Variants in DNAJC5B observed in about 807,000 individuals in gnomAD.
DNAJC5B encodes dnaJ homolog subfamily C member 5B.
In DNAJC5B, 23 loss-of-function variants were observed where a neutral mutation model predicts 24.7. The ratio of observed to expected loss-of-function variants is 0.93; its 90% CI spans 0.67 to 1.32. The LOEUF is 1.32. Ranked by LOEUF, DNAJC5B falls within the 40% of genes most tolerant of loss-of-function variation. The pLI is 0.00. For synonymous variants in DNAJC5B, 101 were observed against 90.1 expected, an observed-to-expected ratio of 1.12 and a Z score of -0.68; for missense variants, 238 against 240.8, an observed-to-expected ratio of 0.99 and a Z score of 0.08.
Position 66,076,717 on chromosome 8 carries a change from GAAGTTTA to G in DNAJC5B, c.181_187del (p.Phe61LysfsTer58), listed in dbSNP as rs780938862. 6.2e-7 allele frequency: 1 copy of G among 1,614,110 alleles called. No individual in the cohort carries two copies. Among genetic ancestry groups the G allele is most frequent in the Non-Finnish European group, 8.5e-7 (1 of 1,180,012 alleles). ...ATCCAGATGATCCAGCTGCTACTGA[GAAGTTTA>G]AAGAAATCAACAACGCCCACGCAAT... On this transcript the variant is annotated frameshift_variant, in exon 4 of 6. Transcript: ENST00000276570. LOFTEE classifies it high-confidence loss of function.
At chr8:66,086,154 C>T (rs1409599920) in intron 5 of DNAJC5B, among the ~76,000 whole-genome samples, 1 of 152,130 alleles carries the variant, frequency 6.6e-6, no homozygotes, top group African/African-American at 2.4e-5. Flanking sequence ...CTTTGCTAAA[C>T]TCATTTAACA....
chr8:66,021,339 A>G (rs1253258344), upstream of DNAJC5B, among the ~76,000 whole-genome samples: 1 of 152,196 alleles, frequency 6.6e-6, no homozygotes, highest in African/African-American at 2.4e-5. Flanking sequence ...TATGACCTGC[A>G]AAGGGATTCT....
intron 2 of DNAJC5B, among the ~76,000 whole-genome samples, chr8:66,046,321 T>C (rs1236592470): frequency 5.9e-5 from 9 of 152,160 alleles, no homozygotes; most frequent in Non-Finnish European, 5.9e-5. Flanking sequence ...CTTGCCACCA[T>C]AGCCCTTAGA....
At chr8:66,042,071 A>C (rs1388639317) in intron 1 of DNAJC5B, among the ~76,000 whole-genome samples, 1 of 152,168 alleles carries the variant, frequency 6.6e-6, no homozygotes, top group East Asian at 1.9e-4. Context: ...ACGTTCTTGC[A>C]GCATCTCTCC....
chr8:66,061,282 A>C (rs906792754), intron 3 of DNAJC5B, among the ~76,000 whole-genome samples: 50 of 152,178 alleles, frequency 3.3e-4, no homozygotes, highest in Non-Finnish European at 6.2e-4. Context: ...ACACAGAAAG[A>C]TCCCATATCT....
chr8:66,078,358 T>C (rs1807517621), intron 4 of DNAJC5B, among the ~76,000 whole-genome samples: 2 of 152,094 alleles, frequency 1.3e-5, no homozygotes, highest in African/African-American at 4.8e-5. Context: ...CACGTAGCAA[T>C]CATGTGATAA....
At chr8:66,065,648 T>C (rs770484109) in intron 3 of DNAJC5B, among the ~76,000 whole-genome samples, 9 of 151,960 alleles carry the variant, frequency 5.9e-5, no homozygotes, top group Admixed American at 3.9e-4. Flanking sequence ...GGCTGTAGGG[T>C]TGAAGGATTT....
chr8:66,066,318 T>C (rs935635086), intron 3 of DNAJC5B, among the ~76,000 whole-genome samples: 2 of 152,174 alleles, frequency 1.3e-5, no homozygotes, highest in African/African-American at 2.4e-5. Flanking sequence ...GAAGACAGCA[T>C]TGAGATTCCT....
intron 3 of DNAJC5B, among the ~76,000 whole-genome samples, chr8:66,069,641 C>T (rs1230942222): frequency 2.0e-5 from 3 of 152,214 alleles, no homozygotes; most frequent in African/African-American, 7.2e-5. Flanking sequence ...CAAAGAGGAG[C>T]TGGTACCATT....
chr8:66,067,581 A>C (rs567555653), intron 3 of DNAJC5B, among the ~76,000 whole-genome samples: 3 of 152,306 alleles, frequency 2.0e-5, no homozygotes, highest in Non-Finnish European at 4.4e-5. Flanking sequence ...CCTAAATATT[A>C]AAAAGGTCTA....
chr8:66,016,544 T>C, the DNAJC5B span, among the ~76,000 whole-genome samples: 1 of 152,348 alleles, frequency 6.6e-6, no homozygotes, highest in Admixed American at 6.5e-5. Context: ...CCTCTTTCTT[T>C]ATAAATTACC....
At chr8:66,080,287 G>T (rs1478558856) in intron 4 of DNAJC5B, 90 bp from the exon 5 acceptor site, 7 of 1,533,306 alleles carry the variant, frequency 4.6e-6, no homozygotes, top group Non-Finnish European at 6.2e-6. Flanking sequence ...TCAGGTCTCT[G>T]GGGGTACCTG....
chr8:66,051,021 T>C (rs1806833428), intron 2 of DNAJC5B, among the ~76,000 whole-genome samples: 1 of 152,208 alleles, frequency 6.6e-6, no homozygotes, highest in Admixed American at 6.5e-5. Flanking sequence ...AATATATTGT[T>C]ATTGACTATT....
chr8:66,038,033 G>A (rs1331940880), intron 1 of DNAJC5B, among the ~76,000 whole-genome samples: 1 of 152,204 alleles, frequency 6.6e-6, no homozygotes, highest in Non-Finnish European at 1.5e-5. Flanking sequence ...GGGTCTACCT[G>A]GCCACGAGGG....
At chr8:66,067,435 C>T (rs939569778) in intron 3 of DNAJC5B, among the ~76,000 whole-genome samples, 2 of 152,198 alleles carry the variant, frequency 1.3e-5, no homozygotes, top group African/African-American at 4.8e-5. Context: ...AGGAAATCTT[C>T]TGTGGTTGAC....
intron 1 of DNAJC5B, among the ~76,000 whole-genome samples, chr8:66,040,280 C>CT (rs1806580059): frequency 6.6e-6 from 1 of 151,986 alleles, no homozygotes; most frequent in South Asian, 2.1e-4. Flanking sequence ...GTCCCAGCTA[C>CT]TTGGGAGGCT....
At chr8:66,044,665 T>C (rs927860515) in intron 2 of DNAJC5B, among the ~76,000 whole-genome samples, 2 of 152,174 alleles carry the variant, frequency 1.3e-5, no homozygotes, top group African/African-American at 4.8e-5. Flanking sequence ...AGTCACTCTA[T>C]AGAGGTCAAT....
intron 5 of DNAJC5B, among the ~76,000 whole-genome samples, chr8:66,098,084 C>T (rs911549174): frequency 2.0e-5 from 3 of 152,194 alleles, no homozygotes; most frequent in African/African-American, 7.2e-5. Context: ...GAACTCCTGA[C>T]CTCAGGTGAT....
intron 3 of DNAJC5B, among the ~76,000 whole-genome samples, chr8:66,068,134 A>G (rs1038170370): frequency 6.6e-6 from 1 of 152,206 alleles, no homozygotes; most frequent in Non-Finnish European, 1.5e-5. Context: ...TTAGTCCTCA[A>G]ATTATTTCTT....
Sources: gnomAD v4.1 joint callset for allele counts (sites outside exome capture counted in the v4.1 genomes callset) on GRCh38, gnomAD v4.1.1 for gene constraint, MANE v1.5 for transcripts, NCBI Gene and HGNC (gene_info 2026-07-23, HGNC 2026-07-21) for gene names.